The following INTS8 variants were observed in gnomAD, a reference collection of about 807,000 sequenced individuals.
INTS8 encodes integrator complex subunit 8.
In INTS8, 47 loss-of-function variants were observed where a neutral mutation model predicts 138.9. That is an observed-to-expected ratio of 0.34 (90% CI 0.27 to 0.43). The LOEUF is 0.43. Among genes scored for constraint, INTS8 ranks in the 20% least tolerant of loss-of-function variants. The probability of loss-of-function intolerance (pLI) is 1.00; values close to 1 mark genes in which losing one functional copy is unlikely to be tolerated. For missense variants in INTS8, 996 were observed against 1,173.0 expected (o/e 0.85, Z 2.20); for synonymous variants, 392 against 400.9 (o/e 0.98, Z 0.27).
chr8:94,876,173 G>A, intron 24 of INTS8, 26 bp downstream of exon 24: 3 of 1,602,986 alleles, frequency 1.9e-6, no homozygotes, highest in Non-Finnish European at 2.6e-6. Context: ...TAAAAATAAT[G>A]AGGTCAACAT....
Position 94,867,129 on chromosome 8 carries a change from C to G in INTS8, c.2296-11C>G, listed in dbSNP as rs1816206660. 1 of 1,593,946 alleles carries G rather than the reference C, an allele frequency of 6.3e-7. No homozygotes were observed. Among genetic ancestry groups the G allele is most frequent in the Admixed American group, 1.7e-5 (1 of 58,222 alleles). On this transcript the variant is annotated splice_polypyrimidine_tract_variant and intron_variant, in intron 18 of 26. Transcript: ENST00000523731. ...ACACTGTTTAAGGATTCTGTGTTTT[C>G]TTTCTCATAGGAACCACTCGTTTTG...
chr8:94,869,800 T>C (rs1448464598), intron 20 of INTS8, among the ~76,000 whole-genome samples: 1 of 152,040 alleles, frequency 6.6e-6, no homozygotes, highest in Non-Finnish European at 1.5e-5. Flanking sequence ...CTAATGGTTG[T>C]GTTTTTTAGC....
chr8:94,874,378 T>G (rs1438733225), intron 22 of INTS8, among the ~76,000 whole-genome samples, 174 bp from the exon 23 acceptor site: 1 of 152,198 alleles, frequency 6.6e-6, no homozygotes, highest in East Asian at 1.9e-4. Context: ...TTTGGTTTAT[T>G]TTTTACAGCA....
chr8:94,854,786 C>T (rs1815683655), intron 14 of INTS8, among the ~76,000 whole-genome samples: 1 of 152,132 alleles, frequency 6.6e-6, no homozygotes, highest in Admixed American at 6.6e-5. Flanking sequence ...GACCGGGGTG[C>T]AGTGGCATGA....
chr8:94,846,722 T>G (rs1815346299), intron 10 of INTS8, among the ~76,000 whole-genome samples: 1 of 152,250 alleles, frequency 6.6e-6, no homozygotes, highest in African/African-American at 2.4e-5. Flanking sequence ...TTGTAGGTTT[T>G]TCTTGTTGCT....
intron 13 of INTS8, among the ~76,000 whole-genome samples, chr8:94,851,903 A>G (rs1158010417): frequency 6.6e-6 from 1 of 152,256 alleles, no homozygotes; most frequent in Non-Finnish European, 1.5e-5. Context: ...ACATCTAAAA[A>G]TGAGTTTTTC....
intron 10 of INTS8, among the ~76,000 whole-genome samples, chr8:94,847,000 A>AT (rs536395880): frequency 6.6e-6 from 1 of 151,874 alleles, no homozygotes; most frequent in Non-Finnish European, 1.5e-5. Context: ...ATATATGAAG[A>AT]TTTTTTTTCT....
intron 16 of INTS8, among the ~76,000 whole-genome samples, chr8:94,861,105 T>G (rs1260805074): frequency 6.6e-6 from 1 of 151,726 alleles, no homozygotes; most frequent in African/African-American, 2.4e-5. Context: ...TCTGGGAACT[T>G]TTGTAAAACT....
chr8:94,874,649 A>G lies in INTS8; in HGVS notation c.2688+47A>G. The G allele has an allele frequency of 1.9e-6, 2 of 1,067,682 alleles. 1 individual carries two copies. Among genetic ancestry groups the G allele is most frequent in the South Asian group, 2.7e-5 (2 of 73,600 alleles). The allele number at this position is 1,067,682 out of a possible 1,614,324, so 66.1% of individuals were successfully genotyped here. A position where few individuals can be genotyped will look rare whatever the true frequency, so the allele number is the denominator to read the frequency against. ...GTTGTTTTATTTTTACATATGTTAG[A>G]GTTTATAATAAATATAAAGCATTGA... On this transcript the variant is annotated intron_variant, in intron 23 of 26. Transcript: ENST00000523731.
chr8:94,856,055 A>G (rs748345019), intron 14 of INTS8, among the ~76,000 whole-genome samples: 10 of 152,238 alleles, frequency 6.6e-5, no homozygotes, highest in Non-Finnish European at 1.0e-4. Flanking sequence ...TACTAGGTCC[A>G]AGAAATAGTG....
chr8:94,838,364 C>T (rs938045168), intron 7 of INTS8, 99 bp from the exon 8 acceptor site: 19 of 1,021,488 alleles, frequency 1.9e-5, no homozygotes, highest in Middle Eastern at 3.3e-4. Context: ...TTGAATTTTT[C>T]GTTAGCATTT....
intron 20 of INTS8, 63 bp downstream of exon 20, chr8:94,867,400 A>C: frequency 8.4e-7 from 1 of 1,190,264 alleles, no homozygotes; most frequent in Non-Finnish European, 1.2e-6. Context: ...CATTCTGACT[A>C]GTATAGATAC....
rs535481635 is a variant in INTS8, at chr8:94,832,255, A to C, written c.753+81A>C. 8 of 976,726 alleles carry C rather than the reference A, an allele frequency of 8.2e-6. No homozygotes were observed. The African/African-American group carries it at 1.3e-4, about 16-fold the overall frequency. The allele number at this position is 976,726 out of a possible 1,614,324, so 60.5% of individuals were successfully genotyped here. A position where few individuals can be genotyped will look rare whatever the true frequency, so the allele number is the denominator to read the frequency against. On this transcript the variant is annotated intron_variant, in intron 6 of 26. Transcript: ENST00000523731. ...AGATCATCCTCCTATTTTTAATTAG[A>C]ATTTATTTCTGCCTTTGTCTCTTAA...
intron 22 of INTS8, 40 bp downstream of exon 22, chr8:94,873,517 T>C: frequency 7.7e-7 from 1 of 1,291,082 alleles, no homozygotes; most frequent in Non-Finnish European, 1.1e-6. Context: ...CTTGCCTACC[T>C]GTATATGTTC....
At chr8:94,876,329 T>A in intron 25 of INTS8, 44 bp downstream of exon 25, 3 of 1,511,304 alleles carry the variant, frequency 2.0e-6, no homozygotes, top group Non-Finnish European at 2.7e-6. Flanking sequence ...GATCCATTTT[T>A]ATAAATTAAA....
At chr8:94,874,676 C>T in intron 23 of INTS8, 74 bp downstream of exon 23, 1 of 836,128 alleles carries the variant, frequency 1.2e-6, no homozygotes, top group Admixed American at 2.4e-5. Flanking sequence ...AAGCATTGAA[C>T]TGGAAATTAG....
At chr8:94,859,711 C>G in intron 16 of INTS8, 79 bp downstream of exon 16, 1 of 1,157,368 alleles carries the variant, frequency 8.6e-7, no homozygotes. Flanking sequence ...ACTTTGGGAA[C>G]TTGTCTAATT....
intron 8 of INTS8, 88 bp downstream of exon 8, chr8:94,838,706 C>A: frequency 9.6e-7 from 1 of 1,037,196 alleles, no homozygotes; most frequent in Non-Finnish European, 1.4e-6. Context: ...ACCAGTTACG[C>A]GTTTTGGGGC....
chr8:94,863,549 T>G (rs1816071298), intron 16 of INTS8, among the ~76,000 whole-genome samples: 1 of 152,228 alleles, frequency 6.6e-6, no homozygotes, highest in African/African-American at 2.4e-5. Context: ...GAATAGTAAG[T>G]TATATATCCA....
Sources: gnomAD v4.1 joint callset for allele counts (sites outside exome capture counted in the v4.1 genomes callset) on GRCh38, gnomAD v4.1.1 for gene constraint, MANE v1.5 for transcripts, NCBI Gene and HGNC (gene_info 2026-07-23, HGNC 2026-07-21) for gene names.